Variants in DNM3 observed in about 807,000 individuals in gnomAD.
The protein encoded by DNM3 is dynamin 3, also known as dynamin-3.
DNM3 carries 47 observed loss-of-function variants against 101.6 expected under a neutral mutation model. That is an observed-to-expected ratio of 0.46 (90% CI 0.37 to 0.59). The LOEUF is 0.59. Among genes scored for constraint, DNM3 ranks in the 20% least tolerant of loss-of-function variants. DNM3 has a pLI of 0.00. For missense variants in DNM3, 849 were observed against 1,085.7 expected (o/e 0.78, Z 3.06); for synonymous variants, 385 against 387.9 (o/e 0.99, Z 0.09).
intron 15 of DNM3, among the ~76,000 whole-genome samples, chr1:172,276,808 A>G (rs942403085): frequency 2.0e-5 from 3 of 152,076 alleles, no homozygotes; most frequent in Non-Finnish European, 2.9e-5. Flanking sequence ...TAAGTTAGAC[A>G]AAAGGCAAGA....
At position 172,107,106 on chromosome 1, in the gene DNM3, C is replaced by T. The variant is rs547371864; in HGVS notation, c.1545+14231C>T. Among the ~76,000 whole-genome samples the T allele has an allele frequency of 1.0e-4, 15 of 150,656 alleles. 1 individual carries two copies. The highest frequency in any genetic ancestry group is 7.9e-4 in the Admixed American group (12 of 15,144). ...CGATCTCCTGACCTCATGATCCACCCGCCTCGGCCTCCCAAAGTGCTGGGA... is the reference window on the plus strand; with the variant it reads ...CGATCTCCTGACCTCATGATCCACCTGCCTCGGCCTCCCAAAGTGCTGGGA... On this transcript the variant is annotated intron_variant, in intron 13 of 20. Transcript: ENST00000627582.
At chr1:172,189,291 G>A (rs2059623911) in intron 14 of DNM3, among the ~76,000 whole-genome samples, 1 of 151,994 alleles carries the variant, frequency 6.6e-6, no homozygotes, top group African/African-American at 2.4e-5. Flanking sequence ...TTTGAGTAGT[G>A]TCAGTCTCTG....
chr1:171,921,623 A>G (rs2040176950), intron 1 of DNM3, 125 bp from the exon 2 acceptor site: 6 of 737,618 alleles, frequency 8.1e-6, no homozygotes, highest in South Asian at 6.8e-5. Context: ...TGGGCCTATC[A>G]TTGTTTGGAT....
chr1:172,398,486 G>C (rs905129831), intron 20 of DNM3, among the ~76,000 whole-genome samples: 9 of 152,276 alleles, frequency 5.9e-5, no homozygotes, highest in Admixed American at 3.9e-4. Context: ...GTAGTGAGGA[G>C]GAACAAAACT....
intron 2 of DNM3, among the ~76,000 whole-genome samples, chr1:171,968,670 C>T (rs1227458005): frequency 6.6e-6 from 1 of 152,024 alleles, no homozygotes; most frequent in Non-Finnish European, 1.5e-5. Context: ...ATGTGTTGGG[C>T]TTAGTGCAGG....
intron 11 of DNM3, among the ~76,000 whole-genome samples, chr1:172,074,160 G>A (rs2052443856): frequency 6.6e-6 from 1 of 152,072 alleles, no homozygotes; most frequent in Non-Finnish European, 1.5e-5. Context: ...TAAGAAATAT[G>A]TAAAAACTTG....
Position 171,975,724 on chromosome 1 carries a change from T to A in DNM3, c.236-11932T>A, listed in dbSNP as rs113103725. ...GATTGTTTTGTAGAAACTGACAAGC[T>A]GATTCTAAAATTTATATGAAAATAA... On this transcript the variant is annotated intron_variant, in intron 2 of 20. Transcript: ENST00000627582. Among the ~76,000 whole-genome samples the A allele has an allele frequency of 1.4e-3, 212 of 152,328 alleles. 1 individual carries two copies. The highest frequency in any genetic ancestry group is 5.0e-3 in the African/African-American group (208 of 41,552).
chr1:172,059,177 A>G (rs1474064422), intron 10 of DNM3, among the ~76,000 whole-genome samples: 4 of 150,174 alleles, frequency 2.7e-5, no homozygotes, highest in Middle Eastern at 3.4e-3. Context: ...GACCAATAAC[A>G]GGCTCTGAAA....
chr1:172,349,010 A>G (rs573715744), intron 17 of DNM3, among the ~76,000 whole-genome samples: 9 of 152,294 alleles, frequency 5.9e-5, no homozygotes, highest in African/African-American at 2.2e-4. Flanking sequence ...GGTGTCCTAA[A>G]CAGAGCACCT....
At chr1:172,055,444 C>T (rs1005239637) in intron 10 of DNM3, among the ~76,000 whole-genome samples, 2 of 151,960 alleles carry the variant, frequency 1.3e-5, no homozygotes, top group African/African-American at 4.8e-5. Context: ...ACCACACATG[C>T]ACACCATCGT....
intron 11 of DNM3, among the ~76,000 whole-genome samples, chr1:172,078,818 G>C (rs1158301978): frequency 6.6e-6 from 1 of 152,146 alleles, no homozygotes; most frequent in Non-Finnish European, 1.5e-5. Context: ...GGCAGAACTG[G>C]TGGTGACAAA....
chr1:172,112,143 A>T (rs961083702), intron 13 of DNM3, among the ~76,000 whole-genome samples: 48 of 152,234 alleles, frequency 3.2e-4, no homozygotes, highest in African/African-American at 1.2e-3. Context: ...CTTCATTTCG[A>T]TGGATAATAA....
At chr1:172,105,100 G>A (rs1223296707) in intron 13 of DNM3, among the ~76,000 whole-genome samples, 1 of 151,994 alleles carries the variant, frequency 6.6e-6, no homozygotes, top group Non-Finnish European at 1.5e-5. Flanking sequence ...ATTCCAAAGG[G>A]GCTAATGTAC....
chr1:172,074,548 T>C (rs1159869715), intron 11 of DNM3, among the ~76,000 whole-genome samples: 2 of 152,106 alleles, frequency 1.3e-5, no homozygotes, highest in African/African-American at 2.4e-5. Context: ...CTCCCACTTA[T>C]GAGTGAGAAC....
chr1:172,139,630 C>A (rs1301729380), intron 14 of DNM3: 2 of 152,130 alleles, frequency 1.3e-5, no homozygotes, highest in Non-Finnish European at 2.9e-5. Flanking sequence ...AACTATAGGG[C>A]CATGCTGTGA....
chr1:172,099,854 T>TC (rs1427814821), intron 13 of DNM3, among the ~76,000 whole-genome samples: 1 of 152,100 alleles, frequency 6.6e-6, no homozygotes, highest in African/African-American at 2.4e-5. Context: ...AACATTGTCT[T>TC]CGGAAGGTGT....
intron 16 of DNM3, among the ~76,000 whole-genome samples, chr1:172,314,408 G>A (rs537914746): frequency 1.2e-4 from 18 of 152,260 alleles, no homozygotes; most frequent in African/African-American, 3.9e-4. Context: ...TGCAGCACGC[G>A]GTGCACGAGC....
In DNM3 at chr1:171,841,816, A is replaced by T; in HGVS notation, c.160A>T (p.Arg54Trp). 6.2e-7 allele frequency: 1 copy of T among 1,607,984 alleles called. No homozygotes were observed. The highest frequency in any genetic ancestry group is 8.5e-7 in the Non-Finnish European group (1 of 1,178,700). The change falls in exon 1 of 21, where the codon AGG becomes TGG. Residue 54 changes from arginine to tryptophan, a missense_variant and splice_region_variant. Arg to Trp is a moderately radical substitution (Grantham distance 101, BLOSUM62 -3). Coordinates refer to ENST00000627582, the MANE Select transcript of DNM3 (RefSeq NM_015569.5). ...CTCGGTGCTCGAGAACTTCGTGGGCAGGTAAGCGCGCAGGGCGCGGAGTAA... is the reference window on the plus strand; with the variant it reads ...CTCGGTGCTCGAGAACTTCGTGGGCTGGTAAGCGCGCAGGGCGCGGAGTAA... ...KSSVLENFVG[R>W]DFLPRGSGIV... is the part of the protein sequence containing the mutation.
At chr1:172,090,441 T>A (rs1207139945) in intron 12 of DNM3, among the ~76,000 whole-genome samples, 1 of 152,188 alleles carries the variant, frequency 6.6e-6, no homozygotes, top group Non-Finnish European at 1.5e-5. Context: ...GGATCCTGGT[T>A]ACCTCTTTCA....
Sources: gnomAD v4.1 joint callset for allele counts (sites outside exome capture counted in the v4.1 genomes callset) on GRCh38, gnomAD v4.1.1 for gene constraint, MANE v1.5 for transcripts, NCBI Gene and HGNC (gene_info 2026-07-23, HGNC 2026-07-21) for gene names.